Variants in CCDC136 observed in about 807,000 individuals in gnomAD.
CCDC136 encodes coiled-coil domain-containing protein 136.
In CCDC136, 100 loss-of-function variants were observed where a neutral mutation model predicts 141.2. That is an observed-to-expected ratio of 0.71 (90% confidence interval 0.60 to 0.84). CCDC136 has a LOEUF of 0.84. Ranked by LOEUF, CCDC136 falls within the 40% of genes least tolerant of loss-of-function variation. CCDC136 has a pLI of 0.00. For synonymous variants in CCDC136, 474 were observed against 531.9 expected (o/e 0.89, Z 1.50); for missense variants, 1,206 against 1,379.4 (o/e 0.87, Z 1.99).
Position 128,792,279 on chromosome 7 carries a change from AG to A in CCDC136, c.-132del. 3.1e-6 allele frequency: 3 copies of A among 977,912 alleles called. No individual in the cohort carries two copies. Among genetic ancestry groups the A allele is most frequent in the Non-Finnish European group, 4.3e-6 (3 of 697,380 alleles). The allele number at this position is 977,912 out of a possible 1,614,324, so 60.6% of individuals were successfully genotyped here. A position where few individuals can be genotyped will look rare whatever the true frequency, so the allele number is the denominator to read the frequency against. On this transcript the variant is annotated 5_prime_UTR_variant, in exon 1 of 18. It removes the in-frame stop codon of an upstream open reading frame in the 5' UTR. Coordinates refer to ENST00000297788, the MANE Select transcript of CCDC136 (RefSeq NM_022742.5). Reference sequence around the variant, plus strand: ...TTCCTCTGCACCCCAGCCCGCAGCCAGCCCCCCACCCCCCAGCCCCTCCTTT... The same window carrying A: ...TTCCTCTGCACCCCAGCCCGCAGCCACCCCCCACCCCCCAGCCCCTCCTTT...
Position 128,794,797 on chromosome 7 carries a change from G to C in CCDC136, c.346+29G>C. 1 of 1,536,804 alleles carries C rather than the reference G, an allele frequency of 6.5e-7. No homozygotes were observed. The stretch of plus-strand genomic sequence containing the variant: ...ATTCCCAGGACTTGGACTGGAGGGA[G>C]GTGGCCATCCAAGTGGTCACCTAAG... On this transcript the variant is annotated intron_variant, in intron 3 of 17. Transcript: ENST00000297788. This position sits in a 1 kb window ranked among gnomAD's most constrained non-coding sequence, Gnocchi z 4.3.
At chr7:128,791,931 C>T, upstream of CCDC136, 1 of 747,978 alleles carries the variant, frequency 1.3e-6, no homozygotes, top group Non-Finnish European at 1.8e-6. This position sits in a 1 kb window ranked among gnomAD's most constrained non-coding sequence, Gnocchi z 7.1. Flanking sequence ...GCGGTCGCAG[C>T]CCTACCCCTT....
chr7:128,803,226 G>A (rs771427223), intron 4 of CCDC136, among the ~76,000 whole-genome samples: 12 of 152,024 alleles, frequency 7.9e-5, no homozygotes, highest in African/African-American at 2.4e-4. Flanking sequence ...GGCTGGTCTC[G>A]AACTCCTGGG....
chr7:128,814,148 C>T (rs62479612), intron 14 of CCDC136, among the ~76,000 whole-genome samples: 21,326 of 151,132 alleles, frequency 0.14, 1,644 homozygotes, highest in African/African-American at 0.2. Flanking sequence ...TGCAGTGGCA[C>T]GATCTCAGCT....
chr7:128,812,379 G>A (rs540292407), intron 13 of CCDC136, 67 bp downstream of exon 13: 14 of 1,494,782 alleles, frequency 9.4e-6, no homozygotes, highest in East Asian at 7.2e-5. Context: ...GAGATACATC[G>A]CCAGGGGAAG....
intron 3 of CCDC136, among the ~76,000 whole-genome samples, chr7:128,798,076 C>T (rs1371663102): frequency 1.3e-5 from 2 of 150,906 alleles, no homozygotes; most frequent in Non-Finnish European, 2.9e-5. Context: ...CGCCACCACA[C>T]CCGGCTAATT....
intron 3 of CCDC136, among the ~76,000 whole-genome samples, chr7:128,799,519 C>A (rs1336330686): frequency 6.6e-6 from 1 of 151,308 alleles, no homozygotes; most frequent in Non-Finnish European, 1.5e-5. Flanking sequence ...TAATGGTGAG[C>A]AAACCAGATA....
At position 128,807,384 on chromosome 7, in the gene CCDC136, CAGGAG is replaced by C; in HGVS notation, c.1446_1450del (p.Gln482HisfsTer20). 6.4e-7 allele frequency: 1 copy of C among 1,565,074 alleles called. No individual in the cohort carries two copies. Among genetic ancestry groups the C allele is most frequent in the Non-Finnish European group, 8.7e-7 (1 of 1,155,794 alleles). On this transcript the variant is annotated frameshift_variant, in exon 10 of 18. Transcript: ENST00000297788. LOFTEE classifies it high-confidence loss of function. ...GGACACAGAGACGCACGCTCAGCTT[CAGGAG>C]ATGAAGCAGCTGTACCAGGCCAGCA...
rs550152373 is a variant in CCDC136 at position 128,821,274 on chromosome 7, C to G, written c.*6-525C>G. Among the ~76,000 whole-genome samples the G allele has an allele frequency of 6.6e-6, 1 of 152,140 alleles. No homozygotes were observed. The highest frequency in any genetic ancestry group is 2.4e-5 in the African/African-American group (1 of 41,424). On this transcript the variant is annotated intron_variant, in intron 17 of 17. Coordinates refer to ENST00000297788, the MANE Select transcript of CCDC136 (RefSeq NM_022742.5). This position sits in a 1 kb window ranked among gnomAD's most constrained non-coding sequence, Gnocchi z 5.1. ...CAGGTTTCCTTAAATTTCCTTGAACCAATGTCATTCTCTGTCAAAGTTTGT... is the reference window on the plus strand; with the variant it reads ...CAGGTTTCCTTAAATTTCCTTGAACGAATGTCATTCTCTGTCAAAGTTTGT...
chr7:128,808,970 T>C (rs1156910426), intron 10 of CCDC136: 1 of 985,134 alleles, frequency 1.0e-6, no homozygotes, highest in Non-Finnish European at 1.2e-6. Flanking sequence ...TTCTAAAGAT[T>C]TAAAGAGAGA....
Position 128,794,901 on chromosome 7 carries a change from A to C in CCDC136, c.346+133A>C. On this transcript the variant is annotated intron_variant, in intron 3 of 17. Coordinates refer to ENST00000297788, the MANE Select transcript of CCDC136 (RefSeq NM_022742.5). This position sits in a 1 kb window ranked among gnomAD's most constrained non-coding sequence, Gnocchi z 4.3. ...CAGTAATTTCACCTCATTTTCCTCT[A>C]CTAGTCTCACCCTTTTCCTCTCCTT... The C allele has an allele frequency of 1.4e-6, 1 of 690,680 alleles. No homozygotes were observed. Among genetic ancestry groups the C allele is most frequent in the Non-Finnish European group, 2.5e-6 (1 of 392,984 alleles). 42.8% of individuals were successfully genotyped at this position (690,680 alleles called of 1,614,324 possible).
At chr7:128,800,177 C>T (rs1487514436) in intron 3 of CCDC136, among the ~76,000 whole-genome samples, 2 of 152,098 alleles carry the variant, frequency 1.3e-5, no homozygotes, top group African/African-American at 2.4e-5. Flanking sequence ...ATATATTTTA[C>T]AGCTCTTTTT....
chr7:128,800,759 T>C (rs148756749), intron 3 of CCDC136, among the ~76,000 whole-genome samples: 149 of 152,396 alleles, frequency 9.8e-4, no homozygotes, highest in African/African-American at 3.5e-3. Flanking sequence ...TCTGAGGCTC[T>C]GTAATTTCTG....
intron 17 of CCDC136, among the ~76,000 whole-genome samples, chr7:128,819,181 C>T (rs371206174): frequency 6.6e-6 from 1 of 152,232 alleles, no homozygotes; most frequent in Non-Finnish European, 1.5e-5. Context: ...CACAGCCTTC[C>T]ACTACCTCAG....
intron 4 of CCDC136, among the ~76,000 whole-genome samples, chr7:128,802,138 G>A (rs560726035): frequency 3.0e-4 from 45 of 152,208 alleles, no homozygotes; most frequent in African/African-American, 4.8e-4. Flanking sequence ...GCAACAAATC[G>A]GAACAAAAGA....
At position 128,817,660 on chromosome 7, in the gene CCDC136, TTTG is replaced by T; in HGVS notation, c.3364-95_3364-93del. 3.3e-6 allele frequency: 3 copies of T among 913,274 alleles called. No individual in the cohort carries two copies. Among genetic ancestry groups the T allele is most frequent in the Non-Finnish European group, 1.8e-6 (1 of 540,750 alleles). The allele number at this position is 913,274 out of a possible 1,614,324, so 56.6% of individuals were successfully genotyped here. A position where few individuals can be genotyped will look rare whatever the true frequency, so the allele number is the denominator to read the frequency against. On this transcript the variant is annotated intron_variant, in intron 16 of 17. Coordinates refer to ENST00000297788, the MANE Select transcript of CCDC136 (RefSeq NM_022742.5). This position sits in a 1 kb window ranked among gnomAD's most constrained non-coding sequence, Gnocchi z 4.6. ...CCTCTTGATTCCTTTCTCTTTTCCC[TTTG>T]TTTTCTCATCTTCATTATCTGTTGG... is the stretch of plus-strand genomic sequence containing the variant.
In CCDC136 at chr7:128,812,771, A is replaced by G. The variant is rs1456469853; in HGVS notation, c.2605A>G (p.Ile869Val). 1.2e-6 allele frequency: 2 copies of G among 1,613,720 alleles called. No individual in the cohort carries two copies. The highest frequency in any genetic ancestry group is 2.2e-5 in the South Asian group (2 of 91,046). ...KLQAVQAMYQ[I>V]SQEEHSQLQE... ...GCAGGCGGTGCAGGCCATGTACCAG[A>G]TAAGCCAGGAGGAACACAGCCAGCT... is the stretch of plus-strand genomic sequence containing the variant. Residue 869 changes from isoleucine to valine, a missense_variant, in exon 14 of 18, where the codon ATA (isoleucine) becomes GTA (valine). Transcript: ENST00000297788.
chr7:128,811,416 G>A (rs1805690094), intron 12 of CCDC136: 2 of 458,808 alleles, frequency 4.4e-6, no homozygotes, highest in African/African-American at 2.0e-5. Flanking sequence ...TTTAGAACTA[G>A]GGGTGGGCGA....
chr7:128,803,135 A>G (rs1585078076), intron 4 of CCDC136, among the ~76,000 whole-genome samples: 1 of 152,252 alleles, frequency 6.6e-6, no homozygotes, highest in East Asian at 1.9e-4. Flanking sequence ...TTCTTTAAAT[A>G]TCAGTAGAAT....
Sources: allele counts gnomAD v4.1 joint callset (sites outside exome capture counted in the v4.1 genomes callset), GRCh38; gene constraint gnomAD v4.1.1; non-coding constraint Gnocchi (gnomAD v3.1); transcripts MANE v1.5; gene names NCBI Gene and HGNC (gene_info 2026-07-23, HGNC 2026-07-21).